Variants in CACNA1E observed in about 807,000 individuals in gnomAD.
The protein encoded by CACNA1E is voltage-dependent R-type calcium channel subunit alpha-1E.
Under a neutral mutation model 259.2 loss-of-function variants are expected in CACNA1E, and 40 were observed. That is an observed-to-expected ratio of 0.15 (90% CI 0.12 to 0.20). The LOEUF (loss-of-function observed/expected upper bound fraction) is 0.20, where lower values mean the gene tolerates loss of function less well. Among genes scored for constraint, CACNA1E ranks in the 10% least tolerant of loss-of-function variants. The pLI, the probability that CACNA1E is intolerant of heterozygous loss-of-function variation, is 1.00. For missense variants in CACNA1E, 1,874 were observed against 3,040.1 expected, an observed-to-expected ratio of 0.62 and a Z score of 9.02; for synonymous variants, 1,104 against 1,138.5, an observed-to-expected ratio of 0.97 and a Z score of 0.61.
Position 181,476,031 on chromosome 1 carries a change from C to T in CACNA1E, c.435-7713C>T, listed in dbSNP as rs148584134. 2.3e-3 allele frequency among the ~76,000 whole-genome samples: 344 copies of T among 152,092 alleles called. 2 individuals are homozygous for T. The highest frequency in any genetic ancestry group is 7.5e-3 in the African/African-American group (309 of 41,470). On this transcript the variant is annotated intron_variant, in intron 2 of 11. Transcript: ENST00000524607. ...GAGCAGTAAGAGGAAGAGAAGGAAA[C>T]GGTGAGAAACTGGGAGATGTGGTGG...
At chr1:181,702,985 AG>A (rs1266941922) in intron 7 of CACNA1E, among the ~76,000 whole-genome samples, 1 of 152,126 alleles carries the variant, frequency 6.6e-6, no homozygotes, top group Non-Finnish European at 1.5e-5. Flanking sequence ...TTTTTTGAGA[AG>A]GGGGTCTTAT....
At chr1:181,350,388 C>A (rs1029475869) in intron 1 of CACNA1E, among the ~76,000 whole-genome samples, 1 of 152,142 alleles carries the variant, frequency 6.6e-6, no homozygotes, top group African/African-American at 2.4e-5. Context: ...TCAAGTGGAG[C>A]CCTGCTCCTC....
Position 181,724,477 on chromosome 1 carries a change from A to G in CACNA1E, c.2082A>G (p.Leu694=). The change falls in exon 17 of 48, where the codon CTA becomes CTG. Residue 694 remains leucine, a synonymous_variant. Transcript: ENST00000367573. ...IVLTLFGNYT[L]LNVFLAIAVD... ...CTTAATTCATCACCCCAGACACGCTACTGAATGTGTTCTTGGCTATCGCTG... is the reference window on the plus strand; with the variant it reads ...CTTAATTCATCACCCCAGACACGCTGCTGAATGTGTTCTTGGCTATCGCTG... 4.3e-6 allele frequency: 7 copies of G among 1,613,234 alleles called. No homozygotes were observed. Among genetic ancestry groups the G allele is most frequent in the Non-Finnish European group, 5.9e-6 (7 of 1,179,528 alleles).
intron 40 of CACNA1E, 92 bp downstream of exon 40, chr1:181,783,876 A>G: frequency 2.4e-6 from 2 of 824,430 alleles, no homozygotes; most frequent in Non-Finnish European, 2.1e-6. Context: ...ACTGTCATCT[A>G]TCCAGTTAAG....
At chr1:181,755,491 CT>C in intron 28 of CACNA1E, 94 bp downstream of exon 28, 1 of 944,430 alleles carries the variant, frequency 1.1e-6, no homozygotes, top group South Asian at 1.6e-5. Context: ...TCCTTTCTAT[CT>C]TACCCATCTC....
At chr1:181,421,778 C>T (rs574592217) in intron 2 of CACNA1E, among the ~76,000 whole-genome samples, 2 of 152,308 alleles carry the variant, frequency 1.3e-5, no homozygotes, top group East Asian at 1.9e-4. Flanking sequence ...CTTCTCCATC[C>T]CCACTGCTAC....
At chr1:181,457,746 A>G (rs1372666577) in intron 2 of CACNA1E, among the ~76,000 whole-genome samples, 1 of 152,204 alleles carries the variant, frequency 6.6e-6, no homozygotes, top group Non-Finnish European at 1.5e-5. Flanking sequence ...AGTTGAACAT[A>G]TAGATGAAGT....
chr1:181,395,231 G>A (rs1656588909), intron 1 of CACNA1E, among the ~76,000 whole-genome samples: 1 of 152,168 alleles, frequency 6.6e-6, no homozygotes, highest in Non-Finnish European at 1.5e-5. Flanking sequence ...AGCATTCACT[G>A]ATGATTGGAT....
At chr1:181,360,903 T>A (rs1000400067) in intron 1 of CACNA1E, among the ~76,000 whole-genome samples, 5 of 151,938 alleles carry the variant, frequency 3.3e-5, no homozygotes, top group African/African-American at 9.7e-5. Context: ...CCCCCTAGGG[T>A]TCTACCTGGG....
intron 12 of CACNA1E, among the ~76,000 whole-genome samples, chr1:181,718,666 A>C (rs188395091): frequency 2.3e-3 from 300 of 129,518 alleles, no homozygotes; most frequent in Non-Finnish European, 3.5e-3. Flanking sequence ...ACACACACAC[A>C]CCCTTATATT....
At chr1:181,328,907 C>G (rs531115822) in intron 1 of CACNA1E, among the ~76,000 whole-genome samples, 2 of 152,278 alleles carry the variant, frequency 1.3e-5, no homozygotes, top group African/African-American at 4.8e-5. Flanking sequence ...AGTGTCATTA[C>G]TCAAAGAATT....
chr1:181,358,802 C>A (rs889478636), intron 1 of CACNA1E, among the ~76,000 whole-genome samples: 2 of 152,186 alleles, frequency 1.3e-5, no homozygotes, highest in African/African-American at 4.8e-5. Context: ...TACATAATGT[C>A]CCCGTAACAT....
At chr1:181,757,734 C>A (rs1291373744) in intron 30 of CACNA1E, among the ~76,000 whole-genome samples, 1 of 152,124 alleles carries the variant, frequency 6.6e-6, no homozygotes, top group East Asian at 1.9e-4. Flanking sequence ...CATGAAGTCC[C>A]TACTCCATGT....
chr1:181,770,347 G>T (rs1659396644), intron 35 of CACNA1E, among the ~76,000 whole-genome samples: 1 of 152,202 alleles, frequency 6.6e-6, no homozygotes, highest in Non-Finnish European at 1.5e-5. Flanking sequence ...TTCATCTGAA[G>T]AGTGGAGGGG....
chr1:181,540,056 G>A (rs1326226778), intron 3 of CACNA1E, among the ~76,000 whole-genome samples: 1 of 152,062 alleles, frequency 6.6e-6, no homozygotes, highest in Non-Finnish European at 1.5e-5. Flanking sequence ...CTCCTATTTG[G>A]GTGTGACATC....
At position 181,737,685 on chromosome 1, in the gene CACNA1E, T is replaced by C. The variant is rs1389127909; in HGVS notation, c.3552+31T>C. 2.5e-6 allele frequency: 4 copies of C among 1,605,152 alleles called. No individual in the cohort carries two copies. The East Asian group carries it at 6.7e-5, about 27-fold the overall frequency. ...TACACAGGGGCCATGTGCCAGCCTC[T>C]GTAGTGCTCTGGTGCTCACCCCATC... On this transcript the variant is annotated intron_variant, in intron 23 of 47. Transcript: ENST00000367573.
intron 1 of CACNA1E, among the ~76,000 whole-genome samples, chr1:181,341,709 A>T (rs1652166035): frequency 6.6e-6 from 1 of 152,050 alleles, no homozygotes; most frequent in African/African-American, 2.4e-5. Flanking sequence ...TCTTTCCTTT[A>T]TTCTTTCTCG....
chr1:181,753,658 G>T (rs1657796687), intron 27 of CACNA1E, among the ~76,000 whole-genome samples: 1 of 152,130 alleles, frequency 6.6e-6, no homozygotes, highest in African/African-American at 2.4e-5. Context: ...GGGCTCTTGT[G>T]CACTTGGCTC....
At chr1:181,543,825 GA>G (rs1365798955) in intron 3 of CACNA1E, among the ~76,000 whole-genome samples, 1 of 152,186 alleles carries the variant, frequency 6.6e-6, no homozygotes, top group African/African-American at 2.4e-5. Context: ...TACAATAAAA[GA>G]GACAGACAAT....
Sources: allele counts gnomAD v4.1 joint callset (sites outside exome capture counted in the v4.1 genomes callset), GRCh38; gene constraint gnomAD v4.1.1; transcripts MANE v1.5; gene names NCBI Gene and HGNC (gene_info 2026-07-23, HGNC 2026-07-21).